SPHKAP: variants seen among roughly 807,000 people sequenced by gnomAD.
SPHKAP encodes SPHK1 interactor, AKAP domain containing, also known as A-kinase anchor protein SPHKAP.
SPHKAP carries 67 observed loss-of-function variants against 137.5 expected under a neutral mutation model. The observed-to-expected ratio is 0.49, with a 90% CI of 0.40 to 0.60. The LOEUF (loss-of-function observed/expected upper bound fraction) is 0.60, where lower values mean the gene tolerates loss of function less well. SPHKAP is among the 20% of genes least tolerant of loss of function. The pLI is 0.00. For missense variants in SPHKAP, 2,097 were observed against 2,069.3 expected (o/e 1.01, Z -0.26); for synonymous variants, 813 against 785.3 (o/e 1.04, Z -0.59).
At chr2:228,120,421 C>G (rs558198762) in intron 2 of SPHKAP, among the ~76,000 whole-genome samples, 1 of 152,206 alleles carries the variant, frequency 6.6e-6, no homozygotes, top group South Asian at 2.1e-4. Context: ...AATTTGAGCA[C>G]AAAATGGAGA....
At chr2:228,118,984 ATAAC>A (rs1168660578) in intron 2 of SPHKAP, among the ~76,000 whole-genome samples, 1 of 152,224 alleles carries the variant, frequency 6.6e-6, no homozygotes, top group Non-Finnish European at 1.5e-5. Flanking sequence ...ATGAAAATAA[ATAAC>A]TATTATGAAA....
At chr2:228,157,123 T>C (rs1700129733) in intron 1 of SPHKAP, among the ~76,000 whole-genome samples, 1 of 152,014 alleles carries the variant, frequency 6.6e-6, no homozygotes, top group African/African-American at 2.4e-5. Context: ...AAGTAAAATA[T>C]GTAAGATATG....
rs373667050 is a variant in SPHKAP at position 228,163,099 on chromosome 2, C to T, written c.32+18468G>A. Among the ~76,000 whole-genome samples the T allele has an allele frequency of 6.6e-5, 10 of 152,208 alleles. No homozygotes were observed. The East Asian group carries it at 1.5e-3, about 23-fold the overall frequency. ...CAGAATTATTAAGCACTGGGGCTCT[C>T]AGACAAAATCTTGCTGTCCCACTTT... On this transcript the variant is annotated intron_variant, in intron 1 of 11. Transcript: ENST00000392056.
chr2:228,019,820 T>C lies in SPHKAP; in HGVS notation c.1034A>G (p.Tyr345Cys), dbSNP rs1161273820. 6.2e-7 allele frequency: 1 copy of C among 1,614,046 alleles called. No homozygotes were observed. Among genetic ancestry groups the C allele is most frequent in the African/African-American group, 1.3e-5 (1 of 74,938 alleles). The change falls in exon 7 of 12, where the codon TAT (tyrosine) becomes TGT (cysteine). Residue 345 changes from tyrosine (Y) to cysteine (C), a missense_variant. Transcript: ENST00000392056. ...SQALYIPKDA[Y>C]FSMMDKDVPS... ...TACATCTTTATCCATCATGGAGAAA[T>C]AAGCATCTTTTGGAATATACAGTGC... is the stretch of plus-strand genomic sequence containing the variant.
intron 3 of SPHKAP, among the ~76,000 whole-genome samples, chr2:228,072,275 T>C (rs896289875): frequency 6.6e-6 from 1 of 152,164 alleles, no homozygotes; most frequent in Non-Finnish European, 1.5e-5. Flanking sequence ...GTCTCCAGAA[T>C]CACATGAATT....
rs146314593 is a variant in SPHKAP at position 228,047,430 on chromosome 2, C to T, written c.247-19887G>A. Among the ~76,000 whole-genome samples the T allele has an allele frequency of 2.1e-3, 311 of 150,118 alleles. 7 individuals carry two copies. In the East Asian group the frequency reaches 0.051, roughly 24 times the overall value. The stretch of plus-strand genomic sequence containing the variant: ...GTAGTGAGCCGAGATTGCACCATTG[C>T]ACTCCAGCCTGGGCAACAAGAGCAA... On this transcript the variant is annotated intron_variant, in intron 3 of 11. Transcript: ENST00000392056.
At chr2:228,152,137 A>G (rs1221787909) in intron 1 of SPHKAP, among the ~76,000 whole-genome samples, 1 of 152,204 alleles carries the variant, frequency 6.6e-6, no homozygotes, top group African/African-American at 2.4e-5. Context: ...TTTATTCTCC[A>G]CTATGCATGG....
intron 4 of SPHKAP, among the ~76,000 whole-genome samples, chr2:228,026,084 G>A (rs1038804017): frequency 2.6e-5 from 4 of 152,070 alleles, no homozygotes; most frequent in African/African-American, 4.8e-5. Context: ...TTCTGCACAA[G>A]CTCTCTCTTT....
Position 227,981,595 on chromosome 2 carries a change from T to G in SPHKAP, c.*122A>C. 1 of 1,324,300 alleles carries G rather than the reference T, an allele frequency of 7.6e-7. No individual in the cohort carries two copies. Among genetic ancestry groups the G allele is most frequent in the South Asian group, 1.6e-5 (1 of 63,822 alleles). 82.0% of individuals were successfully genotyped at this position (1,324,300 alleles called of 1,614,324 possible). On this transcript the variant is annotated 3_prime_UTR_variant, in exon 12 of 12. Coordinates refer to ENST00000392056, the MANE Select transcript of SPHKAP (RefSeq NM_001142644.2). Reference sequence around the variant, plus strand: ...TATGCAGTGGATCTGAGTAGCAGATTTTTTTTTATAGTTCTGCTAATGTGA... The same window carrying G: ...TATGCAGTGGATCTGAGTAGCAGATGTTTTTTTATAGTTCTGCTAATGTGA...
rs1007939172 is a variant in SPHKAP, at chr2:228,104,124, C to T, written c.246+4708G>A. On this transcript the variant is annotated intron_variant, in intron 3 of 11. Transcript: ENST00000392056. ...TGATTTTTAAAGAAAAAAACACTAA[C>T]AGCTTCTTGAAAACTTCATAACTAT... is the stretch of plus-strand genomic sequence containing the variant. Among the ~76,000 whole-genome samples, 8 of 150,652 alleles carry T rather than the reference C, an allele frequency of 5.3e-5. No individual in the cohort carries two copies. The East Asian group carries it at 5.8e-4, about 11-fold the overall frequency.
At chr2:228,096,955 A>T (rs12991087) in intron 3 of SPHKAP, among the ~76,000 whole-genome samples, 1 of 152,254 alleles carries the variant, frequency 6.6e-6, no homozygotes, top group African/African-American at 2.4e-5. Context: ...CTTCTATTTT[A>T]AAAATTTACC....
intron 3 of SPHKAP, among the ~76,000 whole-genome samples, chr2:228,080,859 T>C (rs1377981848): frequency 6.6e-6 from 1 of 152,126 alleles, no homozygotes; most frequent in Non-Finnish European, 1.5e-5. Flanking sequence ...ATAGCAAGTG[T>C]TGGAGAGGAT....
At chr2:227,987,202 A>T (rs1693244751) in intron 11 of SPHKAP, among the ~76,000 whole-genome samples, 1 of 152,218 alleles carries the variant, frequency 6.6e-6, no homozygotes, top group East Asian at 1.9e-4. Context: ...CCTAGAAGGG[A>T]TCTAGCAATC....
intron 1 of SPHKAP, among the ~76,000 whole-genome samples, chr2:228,156,102 A>G (rs1009643236): frequency 2.0e-5 from 3 of 152,196 alleles, no homozygotes; most frequent in Admixed American, 2.0e-4. Context: ...TTTTTCCCTC[A>G]AGACCTACTT....
At chr2:228,009,595 T>C (rs1163152980) in intron 7 of SPHKAP, among the ~76,000 whole-genome samples, 6 of 152,240 alleles carry the variant, frequency 3.9e-5, no homozygotes, top group Non-Finnish European at 8.8e-5. Context: ...TCTTCTTCTT[T>C]GTGTAGCATT....
intron 3 of SPHKAP, among the ~76,000 whole-genome samples, chr2:228,030,895 G>A (rs563362135): frequency 2.6e-5 from 4 of 152,156 alleles, no homozygotes; most frequent in Non-Finnish European, 5.9e-5. Context: ...TATGTTTTAC[G>A]AGGGTGGAGC....
chr2:228,150,492 C>G (rs762799290), intron 1 of SPHKAP, among the ~76,000 whole-genome samples: 8 of 152,012 alleles, frequency 5.3e-5, no homozygotes, highest in Non-Finnish European at 1.2e-4. Context: ...TCTTGAGTTA[C>G]TTTAGTAAGT....
Position 228,021,982 on chromosome 2 carries a change from A to G in SPHKAP, c.442-16T>C. On this transcript the variant is annotated splice_polypyrimidine_tract_variant and intron_variant, in intron 5 of 11. Transcript: ENST00000392056. Reference sequence around the variant, plus strand: ...GCCAAGGGCACTAAAAGTGGAGAGAAAAGAAGGCATTTATTCAAAAGGGAA... The same window carrying G: ...GCCAAGGGCACTAAAAGTGGAGAGAGAAGAAGGCATTTATTCAAAAGGGAA... 1 of 1,563,604 alleles carries G rather than the reference A, an allele frequency of 6.4e-7. No homozygotes were observed. Among genetic ancestry groups the G allele is most frequent in the Non-Finnish European group, 8.6e-7 (1 of 1,158,466 alleles).
At position 227,998,230 on chromosome 2, in the gene SPHKAP, TC is replaced by T. The variant is rs1363650429; in HGVS notation, c.4449-2537del. Among the ~76,000 whole-genome samples the T allele has an allele frequency of 6.4e-4, 98 of 152,206 alleles. 3 individuals carry two copies. The East Asian group carries it at 0.017, about 26-fold the overall frequency. ...CATGTTGGCTGGGCTGGTCTCGAAC[TC>T]AAGTGACCTGCACTCCTGGGCCTCC... On this transcript the variant is annotated intron_variant, in intron 7 of 11. Transcript: ENST00000392056.
Sources: gnomAD v4.1 joint callset for allele counts (sites outside exome capture counted in the v4.1 genomes callset) on GRCh38, gnomAD v4.1.1 for gene constraint, MANE v1.5 for transcripts, NCBI Gene and HGNC (gene_info 2026-07-23, HGNC 2026-07-21) for gene names.